EDDM3A: variants seen among roughly 807,000 people sequenced by gnomAD.
EDDM3A encodes epididymal secretory protein E3-alpha.
For synonymous variants in EDDM3A, 75 were observed against 60.4 expected (o/e 1.24, Z -1.12); for missense variants, 199 against 177.4 (o/e 1.12, Z -0.69).
At chr14:20,747,439 G>T in intron 1 of EDDM3A, 116 bp from the exon 2 acceptor site, 1 of 631,620 alleles carries the variant, frequency 1.6e-6, no homozygotes, top group Non-Finnish European at 2.7e-6. Context: ...CTTCTAATAT[G>T]GAACCAAATA....
At chr14:20,737,054 C>CTTTTTTCTTTTTTTTTTTTTTTTTTTTT in the EDDM3A span, among the ~76,000 whole-genome samples, 3 of 109,964 alleles carry the variant, frequency 2.7e-5, no homozygotes, top group African/African-American at 9.4e-5. Context: ...TTTCTTTTTC[C>CTTTTTTCTTTTTTTTTTTTTTTTTTTTT]TTTTTTTTTT....
At chr14:20,744,791 G>A (rs1215996604), upstream of EDDM3A, among the ~76,000 whole-genome samples, 3 of 151,638 alleles carry the variant, frequency 2.0e-5, no homozygotes, top group African/African-American at 7.3e-5. Context: ...TCACCAAACA[G>A]CTAAAGGTTA....
At chr14:20,737,778 G>A in the EDDM3A span, among the ~76,000 whole-genome samples, 47 of 152,312 alleles carry the variant, frequency 3.1e-4, no homozygotes, top group East Asian at 8.3e-3. Flanking sequence ...AGAAAGACAC[G>A]TTGGGTTCAC....
intron 1 of EDDM3A, among the ~76,000 whole-genome samples, chr14:20,746,684 A>C (rs1877598081): frequency 6.6e-6 from 1 of 152,224 alleles, no homozygotes; most frequent in Admixed American, 6.5e-5. Flanking sequence ...ATAGTTAATA[A>C]TGATCACATG....
At chr14:20,746,891 G>T (rs1394914632) in intron 1 of EDDM3A, among the ~76,000 whole-genome samples, 1 of 152,038 alleles carries the variant, frequency 6.6e-6, no homozygotes, top group Non-Finnish European at 1.5e-5. Flanking sequence ...CAGACAATAC[G>T]CTTAAAATGT....
intron 1 of EDDM3A, among the ~76,000 whole-genome samples, chr14:20,747,102 CTTTT>C (rs71112518): frequency 3.3e-5 from 4 of 122,142 alleles, no homozygotes; most frequent in African/African-American, 3.1e-5. Context: ...AAACTGTATT[CTTTT>C]TTTTTTTTTT....
chr14:20,748,077 G>C lies in EDDM3A; in HGVS notation c.*53G>C. 1 of 1,416,006 alleles carries C rather than the reference G, an allele frequency of 7.1e-7. No homozygotes were observed. Among genetic ancestry groups the C allele is most frequent in the South Asian group, 1.4e-5 (1 of 70,468 alleles). 87.7% of individuals were successfully genotyped at this position (1,416,006 alleles called of 1,614,324 possible). On this transcript the variant is annotated 3_prime_UTR_variant, in exon 2 of 2. Transcript: ENST00000326842. ...GTAGAGTATTCAGTGCTTCCAAAGTGGTGGGCCCTGCCTCCATCAATAGCC... is the reference window on the plus strand; with the variant it reads ...GTAGAGTATTCAGTGCTTCCAAAGTCGTGGGCCCTGCCTCCATCAATAGCC...
At chr14:20,745,148 C>A (rs185311202), upstream of EDDM3A, among the ~76,000 whole-genome samples, 68 of 151,752 alleles carry the variant, frequency 4.5e-4, no homozygotes, top group African/African-American at 1.5e-3. Context: ...ATTGCTTGAG[C>A]CTGGCAGGTT....
the EDDM3A span, among the ~76,000 whole-genome samples, chr14:20,739,137 C>T: frequency 2.6e-5 from 4 of 152,160 alleles, no homozygotes; most frequent in South Asian, 8.3e-4. Context: ...ATTCTGATCT[C>T]CTATAGTAGA....
upstream of EDDM3A, among the ~76,000 whole-genome samples, chr14:20,743,767 G>A (rs959075407): frequency 2.6e-5 from 4 of 152,134 alleles, no homozygotes; most frequent in Non-Finnish European, 5.9e-5. Context: ...CAGAAATACT[G>A]GTTGGGTTAC....
rs1336544323 is a variant in EDDM3A at position 20,748,083 on chromosome 14, C to T, written c.*59C>T. 3 of 1,356,878 alleles carry T rather than the reference C, an allele frequency of 2.2e-6. No individual in the cohort carries two copies. The East Asian group carries it at 7.0e-5, about 32-fold the overall frequency. The allele number at this position is 1,356,878 out of a possible 1,614,324, so 84.1% of individuals were successfully genotyped here. ...TATTCAGTGCTTCCAAAGTGGTGGG[C>T]CCTGCCTCCATCAATAGCCCCTGCC... On this transcript the variant is annotated 3_prime_UTR_variant, in exon 2 of 2. Transcript: ENST00000326842.
At chr14:20,747,522 T>C (rs1249561196) in intron 1 of EDDM3A, 33 bp from the exon 2 acceptor site, 6 of 1,348,944 alleles carry the variant, frequency 4.4e-6, no homozygotes, top group African/African-American at 1.5e-5. Context: ...CTGAGTATAG[T>C]CTGGTTAATG....
At chr14:20,742,572 T>G (rs10134707), upstream of EDDM3A, among the ~76,000 whole-genome samples, 103,539 of 151,742 alleles carry the variant, frequency 0.68, 35,753 homozygotes, top group African/African-American at 0.79. Context: ...GGGTTTTGGG[T>G]TTTTTTTTAG....
the EDDM3A span, among the ~76,000 whole-genome samples, chr14:20,738,268 T>C: frequency 1.3e-5 from 2 of 152,026 alleles, no homozygotes; most frequent in African/African-American, 2.4e-5. Context: ...GGTCAAGAGA[T>C]TGAGACCATG....
chr14:20,736,107 C>CA, the EDDM3A span, among the ~76,000 whole-genome samples: 1 of 144,770 alleles, frequency 6.9e-6, no homozygotes, highest in Non-Finnish European at 1.5e-5. Context: ...CCCATCATCA[C>CA]TTTTTTTTTT....
upstream of EDDM3A, among the ~76,000 whole-genome samples, chr14:20,745,504 C>T (rs1437667803): frequency 1.4e-5 from 2 of 143,826 alleles, no homozygotes; most frequent in African/African-American, 5.1e-5. Flanking sequence ...CCAGCCTGGG[C>T]AACAGAGCGA....
the EDDM3A span, among the ~76,000 whole-genome samples, chr14:20,738,791 C>T: frequency 3.3e-5 from 5 of 152,098 alleles, no homozygotes; most frequent in East Asian, 1.9e-4. Context: ...TGGCTAAATG[C>T]CATCTTCAGC....
chr14:20,745,776 G>A (rs1359909658), upstream of EDDM3A: 2 of 152,202 alleles, frequency 1.3e-5, no homozygotes, highest in African/African-American at 2.4e-5. Flanking sequence ...TGTTCCAGAT[G>A]AAACGATACA....
the EDDM3A span, among the ~76,000 whole-genome samples, chr14:20,737,652 A>C: frequency 0.39 from 58,606 of 152,070 alleles, 11,764 homozygotes; most frequent in East Asian, 0.61. Flanking sequence ...GATAATAATC[A>C]TGTTCGCTTG....
Sources: gnomAD v4.1 joint callset for allele counts (sites outside exome capture counted in the v4.1 genomes callset) on GRCh38, gnomAD v4.1.1 for gene constraint, MANE v1.5 for transcripts, NCBI Gene and HGNC (gene_info 2026-07-23, HGNC 2026-07-21) for gene names.